STXBP5: variants seen among roughly 807,000 people sequenced by gnomAD.
STXBP5 encodes syntaxin binding protein 5, also known as syntaxin-binding protein 5.
In STXBP5, 50 loss-of-function variants were observed where a neutral mutation model predicts 152.4. The ratio of observed to expected loss-of-function variants is 0.33; its 90% CI spans 0.26 to 0.42. The LOEUF (loss-of-function observed/expected upper bound fraction) is 0.42. Ranked by LOEUF, STXBP5 falls within the 10% of genes least tolerant of loss-of-function variation. The pLI, the probability that STXBP5 is intolerant of heterozygous loss-of-function variation, is 1.00. For synonymous variants in STXBP5, 492 were observed against 494.7 expected, an observed-to-expected ratio of 0.99 and a Z score of 0.07; for missense variants, 1,167 against 1,388.6, an observed-to-expected ratio of 0.84 and a Z score of 2.54.
chr6:147,308,151 G>A (rs1477070494), intron 9 of STXBP5, among the ~76,000 whole-genome samples: 1 of 152,106 alleles, frequency 6.6e-6, no homozygotes, highest in Non-Finnish European at 1.5e-5. Flanking sequence ...CCCTGTCCTT[G>A]GATTATTTGA....
intron 25 of STXBP5, among the ~76,000 whole-genome samples, chr6:147,365,074 A>AT (rs1420232880): frequency 1.3e-5 from 2 of 152,138 alleles, no homozygotes; most frequent in Non-Finnish European, 2.9e-5. Flanking sequence ...AGTGCATGTA[A>AT]TGTGCTTAGC....
At chr6:147,291,942 C>T (rs553373626) in intron 9 of STXBP5, among the ~76,000 whole-genome samples, 45 of 152,116 alleles carry the variant, frequency 3.0e-4, no homozygotes, top group African/African-American at 7.7e-4. Context: ...CCTTTGCCAA[C>T]AGCATTAGCT....
At chr6:147,374,973 A>C (rs964735237) in intron 26 of STXBP5, among the ~76,000 whole-genome samples, 9 of 152,202 alleles carry the variant, frequency 5.9e-5, no homozygotes, top group African/African-American at 1.7e-4. Context: ...CTTCAGTGCT[A>C]ATTGTTAATT....
chr6:147,207,802 G>A (rs1776650155), intron 2 of STXBP5, among the ~76,000 whole-genome samples: 1 of 152,042 alleles, frequency 6.6e-6, no homozygotes, highest in Non-Finnish European at 1.5e-5. Context: ...TGTTTTCCCA[G>A]TGTGGTCTCG....
chr6:147,229,212 CAT>C (rs1465497146), intron 2 of STXBP5, among the ~76,000 whole-genome samples: 3 of 151,998 alleles, frequency 2.0e-5, no homozygotes, highest in Non-Finnish European at 4.4e-5. Context: ...CAGACAAAAA[CAT>C]ATTTAAGAAT....
At chr6:147,373,597 CAT>C in intron 25 of STXBP5, 132 bp from the exon 26 acceptor site, 1 of 630,748 alleles carries the variant, frequency 1.6e-6, no homozygotes. Flanking sequence ...GATCGTAGGA[CAT>C]GTACTCATTA....
intron 2 of STXBP5, among the ~76,000 whole-genome samples, chr6:147,216,713 AATG>A (rs1257294409): frequency 6.6e-6 from 1 of 152,204 alleles, no homozygotes. Context: ...AAATAAATGA[AATG>A]ATAACATGCT....
intron 26 of STXBP5, among the ~76,000 whole-genome samples, chr6:147,379,782 G>A (rs1785987005): frequency 6.6e-6 from 1 of 151,858 alleles, no homozygotes; most frequent in Admixed American, 6.6e-5. Flanking sequence ...CTAATAAACA[G>A]TTTTAGCAAG....
intron 26 of STXBP5, among the ~76,000 whole-genome samples, chr6:147,376,820 C>CATTA (rs963087736): frequency 2.6e-5 from 4 of 151,880 alleles, no homozygotes; most frequent in East Asian, 1.9e-4. Context: ...TCTAAAAATA[C>CATTA]ATTAATTAAT....
chr6:147,384,823 T>G lies in STXBP5; in HGVS notation c.*68T>G. On this transcript the variant is annotated 3_prime_UTR_variant, in exon 28 of 28. Transcript: ENST00000321680. ...AGTTTTCCATTTTTATTACATTCTTTAGGAAAGTTAACGTTAAAGGGATGT... is the reference window on the plus strand; with the variant it reads ...AGTTTTCCATTTTTATTACATTCTTGAGGAAAGTTAACGTTAAAGGGATGT... 6.7e-7 allele frequency: 1 copy of G among 1,490,518 alleles called. No homozygotes were observed. The highest frequency in any genetic ancestry group is 9.3e-7 in the Non-Finnish European group (1 of 1,077,916). The allele number at this position is 1,490,518 out of a possible 1,614,324, so 92.3% of individuals were successfully genotyped here. A position where few individuals can be genotyped will look rare whatever the true frequency, so the allele number is the denominator to read the frequency against.
At chr6:147,332,185 T>TATTC (rs1783607010) in intron 18 of STXBP5, among the ~76,000 whole-genome samples, 1 of 152,204 alleles carries the variant, frequency 6.6e-6, no homozygotes, top group Admixed American at 6.5e-5. Flanking sequence ...CTTTCACATG[T>TATTC]ATTCACTCAA....
rs1302164241 is a variant in STXBP5, at chr6:147,247,146, AT to A, written c.431+7880del. On this transcript the variant is annotated intron_variant, in intron 4 of 27. Transcript: ENST00000321680. ...CCAAAATATCTATACAGGTCTTAAG[AT>A]TTTGAATTAACTAATTGCACATGTT... Among the ~76,000 whole-genome samples the A allele has an allele frequency of 2.6e-5, 4 of 152,354 alleles. No homozygotes were observed. The East Asian group carries it at 7.7e-4, about 29-fold the overall frequency.
rs535229542 is a variant in STXBP5 at position 147,363,741 on chromosome 6, A to G, written c.2915+37A>G. On this transcript the variant is annotated intron_variant, in intron 24 of 27. Transcript: ENST00000321680. Reference sequence around the variant, plus strand: ...ATATGTTTTAAAACACAGATATAGCATTTCCTCCCTCAAACTATACTACAG... The same window carrying G: ...ATATGTTTTAAAACACAGATATAGCGTTTCCTCCCTCAAACTATACTACAG... The G allele has an allele frequency of 5.1e-6, 8 of 1,560,152 alleles. No homozygotes were observed. The East Asian group carries it at 1.8e-4, about 35-fold the overall frequency.
At chr6:147,232,398 T>C (rs1461296334) in intron 2 of STXBP5, among the ~76,000 whole-genome samples, 1 of 151,802 alleles carries the variant, frequency 6.6e-6, no homozygotes, top group Non-Finnish European at 1.5e-5. Context: ...TTTGTGTCCT[T>C]TCTATGTTAG....
chr6:147,236,003 T>C (rs1778250922), intron 3 of STXBP5, among the ~76,000 whole-genome samples: 1 of 152,176 alleles, frequency 6.6e-6, no homozygotes, highest in African/African-American at 2.4e-5. Flanking sequence ...TCTCCTTAGA[T>C]ATGAGGATAG....
chr6:147,363,255 C>G, intron 23 of STXBP5, 80 bp from the exon 24 acceptor site: 1 of 1,376,554 alleles, frequency 7.3e-7, no homozygotes, highest in Non-Finnish European at 9.8e-7. Context: ...TAAGTATCTA[C>G]TGTATGTCAA....
Position 147,389,943 on chromosome 6 carries a change from A to G in STXBP5, c.*5188A>G, listed in dbSNP as rs1255249904. On this transcript the variant is annotated 3_prime_UTR_variant, in exon 28 of 28. Coordinates refer to ENST00000321680, the MANE Select transcript of STXBP5 (RefSeq NM_001127715.4). The stretch of plus-strand genomic sequence containing the variant: ...TGCTTTCTAGTTATACTATTGGTTC[A>G]TTGTAAATGCATTACCAAAAGACAA... 1 of 151,830 alleles carries G rather than the reference A, an allele frequency of 6.6e-6. No homozygotes were observed. Among genetic ancestry groups the G allele is most frequent in the African/African-American group, 2.4e-5 (1 of 41,406 alleles). The allele number at this position is 151,830 out of a possible 1,614,324, so 9.4% of individuals were successfully genotyped here.
At chr6:147,281,817 A>G (rs1404576412) in intron 8 of STXBP5, among the ~76,000 whole-genome samples, 1 of 152,226 alleles carries the variant, frequency 6.6e-6, no homozygotes, top group Non-Finnish European at 1.5e-5. Flanking sequence ...TGTTGCATTT[A>G]TATAACATGG....
intron 21 of STXBP5, among the ~76,000 whole-genome samples, chr6:147,346,294 CAA>C (rs1784325777): frequency 6.6e-6 from 1 of 152,084 alleles, no homozygotes; most frequent in South Asian, 2.1e-4. Context: ...CCCATCATCA[CAA>C]AGTTATACCA....
Sources: gnomAD v4.1 joint callset for allele counts (sites outside exome capture counted in the v4.1 genomes callset) on GRCh38, gnomAD v4.1.1 for gene constraint, MANE v1.5 for transcripts, NCBI Gene and HGNC (gene_info 2026-07-23, HGNC 2026-07-21) for gene names.